TRIOBP: variants seen among roughly 807,000 people sequenced by gnomAD.
The protein encoded by TRIOBP is TRIO and F-actin-binding protein.
A neutral mutation model predicts 238.8 loss-of-function variants in TRIOBP; 169 were observed. That is an observed-to-expected ratio of 0.71 (90% CI 0.62 to 0.80). The LOEUF is 0.80. TRIOBP is among the 30% of genes least tolerant of loss of function. The pLI is 0.00. For synonymous variants in TRIOBP, 1,150 were observed against 1,274.4 expected (o/e 0.90, Z 2.08); for missense variants, 2,838 against 3,122.6 (o/e 0.91, Z 2.17).
At chr22:37,732,289 C>T (rs1318076989) in intron 7 of TRIOBP, among the ~76,000 whole-genome samples, 1 of 152,090 alleles carries the variant, frequency 6.6e-6, no homozygotes, top group Non-Finnish European at 1.5e-5. Context: ...ACTTTTTACA[C>T]AAGTTAGAGA....
chr22:37,716,089 A>G (rs984659233), intron 6 of TRIOBP, among the ~76,000 whole-genome samples, 155 bp downstream of exon 6: 2 of 152,186 alleles, frequency 1.3e-5, no homozygotes, highest in African/African-American at 2.4e-5. Context: ...AGCAGCCACA[A>G]TGAGTTATGC....
chr22:37,769,427 CTA>C, intron 21 of TRIOBP, 52 bp downstream of exon 21: 1 of 1,490,570 alleles, frequency 6.7e-7, no homozygotes, highest in East Asian at 2.5e-5. Context: ...GGGCCCGGGG[CTA>C]TGGGGCACCC....
Position 37,726,181 on chromosome 22 carries a change from T to C in TRIOBP, c.3625T>C (p.Ser1209Pro). 6.4e-7 allele frequency: 1 copy of C among 1,563,708 alleles called. No individual in the cohort carries two copies. Among genetic ancestry groups the C allele is most frequent in the East Asian group, 2.5e-5 (1 of 40,446 alleles). The part of the protein sequence containing the change: ...LAPSTDSLHG[S>P]PVLIPQVCIG... ...CCCCTCCACTGACTCTCTGCATGGC[T>C]CCCCAGTGCTGATCCCCCAAGTGTG... The change falls in exon 7 of 24, where the codon TCC becomes CCC. Residue 1209 changes from serine to proline, a missense_variant. Coordinates refer to ENST00000644935, the MANE Select transcript of TRIOBP (RefSeq NM_001039141.3).
intron 7 of TRIOBP, among the ~76,000 whole-genome samples, chr22:37,731,976 C>A (rs868745273): frequency 6.6e-6 from 1 of 152,244 alleles, no homozygotes; most frequent in South Asian, 2.1e-4. Flanking sequence ...GAGGCCTGAG[C>A]AGAGTTTCCT....
intron 15 of TRIOBP, among the ~76,000 whole-genome samples, chr22:37,756,066 G>T (rs1053227833): frequency 6.6e-6 from 1 of 152,236 alleles, no homozygotes; most frequent in African/African-American, 2.4e-5. Flanking sequence ...GGGGCAGGAG[G>T]GCTGAGTTAC....
chr22:37,751,553 C>T (rs1175448065), intron 11 of TRIOBP: 2 of 594,254 alleles, frequency 3.4e-6, no homozygotes, highest in Non-Finnish European at 6.1e-6. Flanking sequence ...CTTCTTGGCT[C>T]TCTGAGTGCC....
In TRIOBP at chr22:37,710,572, TAG is replaced by T; in HGVS notation, c.254+9_254+10del. On this transcript the variant is annotated splice_region_variant and intron_variant, in intron 4 of 23. Transcript: ENST00000644935. ...CTCAGGCCAGGGCCCAAGAGGTGGGTAGAGTCCCAGGGCCCAGGAAGGGCTTC... is the reference window on the plus strand; with the variant it reads ...CTCAGGCCAGGGCCCAAGAGGTGGGTAGTCCCAGGGCCCAGGAAGGGCTTC... 6.2e-7 allele frequency: 1 copy of T among 1,608,672 alleles called. No individual in the cohort carries two copies. Among genetic ancestry groups the T allele is most frequent in the Non-Finnish European group, 8.5e-7 (1 of 1,179,310 alleles).
chr22:37,703,276 G>C (rs1329515656), intron 3 of TRIOBP, among the ~76,000 whole-genome samples: 1 of 152,014 alleles, frequency 6.6e-6, no homozygotes, highest in Non-Finnish European at 1.5e-5. Context: ...TTACAGGTGT[G>C]AGCCACCGCG....
In TRIOBP at chr22:37,715,091, T is replaced by A. The variant is rs563568882; in HGVS notation, c.457-672T>A. 9.8e-5 allele frequency among the ~76,000 whole-genome samples: 15 copies of A among 152,350 alleles called. No individual in the cohort carries two copies. The South Asian group carries it at 3.1e-3, about 32-fold the overall frequency. ...GTGCAGTGCCACAATCTCAGCTCACTGCAACCTCTGTCTCCCAGGTTCAAG... is the reference window on the plus strand; with the variant it reads ...GTGCAGTGCCACAATCTCAGCTCACAGCAACCTCTGTCTCCCAGGTTCAAG... On this transcript the variant is annotated intron_variant, in intron 5 of 23. Transcript: ENST00000644935.
At chr22:37,699,001 C>A (rs1922502610) in intron 2 of TRIOBP, among the ~76,000 whole-genome samples, 1 of 152,086 alleles carries the variant, frequency 6.6e-6, no homozygotes, top group South Asian at 2.1e-4. Flanking sequence ...ATTAGCCAGG[C>A]ATGACGGTGC....
In TRIOBP at chr22:37,750,024, A is replaced by G. The variant is rs547370456; in HGVS notation, c.5323-1748A>G. Among the ~76,000 whole-genome samples, 14 of 152,262 alleles carry G rather than the reference A, an allele frequency of 9.2e-5. No individual in the cohort carries two copies. The South Asian group carries it at 2.1e-3, about 23-fold the overall frequency. ...TGTGTCATGGCGTGCCTGACATGGT[A>G]TGTGATGTGTCTGTACTGGGCTCTG... is the stretch of plus-strand genomic sequence containing the variant. On this transcript the variant is annotated intron_variant, in intron 11 of 23. Coordinates refer to ENST00000644935, the MANE Select transcript of TRIOBP (RefSeq NM_001039141.3).
intron 12 of TRIOBP, among the ~76,000 whole-genome samples, chr22:37,752,473 C>A (rs1211603960): frequency 6.6e-6 from 1 of 152,232 alleles, no homozygotes; most frequent in South Asian, 2.1e-4. Flanking sequence ...GTTCTTTCGG[C>A]TGCCAGGCTG....
chr22:37,750,918 G>GGT (rs1925556160), intron 11 of TRIOBP: 2 of 375,758 alleles, frequency 5.3e-6, no homozygotes, highest in Non-Finnish European at 1.1e-5. Flanking sequence ...GGGGCTGATA[G>GGT]GTAGGCTCAG....
chr22:37,735,314 A>G lies in TRIOBP; in HGVS notation c.4978A>G (p.Thr1660Ala). The part of the protein sequence containing the change: ...SPVQLPSPAC[T>A]STQWPKIKVT... ...GGTCCAGCTGCCCAGCCCTGCCTGCACCTCCACCCAGTGGCCAAAGATCAA... is the reference window on the plus strand; with the variant it reads ...GGTCCAGCTGCCCAGCCCTGCCTGCGCCTCCACCCAGTGGCCAAAGATCAA... The change falls in exon 9 of 24, where the codon ACC (threonine) becomes GCC (alanine). Residue 1660 changes from threonine (T) to alanine (A), a missense_variant. Thr to Ala is a moderately conservative substitution (Grantham distance 58, BLOSUM62 0). Transcript: ENST00000644935. The G allele has an allele frequency of 1.2e-6, 2 of 1,612,724 alleles. No individual in the cohort carries two copies. The highest frequency in any genetic ancestry group is 1.7e-6 in the Non-Finnish European group (2 of 1,179,352).
At chr22:37,703,741 G>A (rs1164453705) in intron 3 of TRIOBP, among the ~76,000 whole-genome samples, 3 of 151,790 alleles carry the variant, frequency 2.0e-5, no homozygotes, top group African/African-American at 7.3e-5. Flanking sequence ...TCCTGACCTC[G>A]TTATTCGCCC....
At position 37,725,611 on chromosome 22, in the gene TRIOBP, G is replaced by T. The variant is rs549095193; in HGVS notation, c.3055G>T (p.Gly1019Trp). 6.2e-7 allele frequency: 1 copy of T among 1,613,830 alleles called. No homozygotes were observed. The highest frequency in any genetic ancestry group is 2.2e-5 in the East Asian group (1 of 44,870). The change falls in exon 7 of 24, where the codon GGG becomes TGG. Residue 1019 changes from glycine to tryptophan, a missense_variant. Around this residue, in one of 5 missense-constraint regions of TRIOBP, gnomAD observed 2,096 missense variants for 2,137.4 expected, o/e 0.98. Coordinates refer to ENST00000644935, the MANE Select transcript of TRIOBP (RefSeq NM_001039141.3). ...PSQPPCAVCIGHRDAPRASSP... is the reference protein window; with the variant it reads ...PSQPPCAVCIWHRDAPRASSP... ...CCAGCCTCCATGTGCTGTGTGCATTGGGCACCGGGATGCCCCTCGAGCCTC... is the reference window on the plus strand; with the variant it reads ...CCAGCCTCCATGTGCTGTGTGCATTTGGCACCGGGATGCCCCTCGAGCCTC...
chr22:37,713,191 G>C lies in TRIOBP; in HGVS notation c.255-19G>C, dbSNP rs772540420. On this transcript the variant is annotated intron_variant, in intron 4 of 23. Transcript: ENST00000644935. ...GCTCCTAACTCCCCATTACTTTTTG[G>C]GTCTGTCTCCTCTCCCAGGGGCCCA... 6.2e-7 allele frequency: 1 copy of C among 1,606,758 alleles called. No homozygotes were observed.
At position 37,734,385 on chromosome 22, in the gene TRIOBP, C is replaced by T. The variant is rs1924558629; in HGVS notation, c.4063-14C>T. On this transcript the variant is annotated splice_polypyrimidine_tract_variant and intron_variant, in intron 8 of 23. Transcript: ENST00000644935. ...AGAGAGAGAGCCTCACCTACCCCCT[C>T]ACCTCATCCCCAGGTGACCATGCTC... 1 of 1,612,000 alleles carries T rather than the reference C, an allele frequency of 6.2e-7. No homozygotes were observed. The highest frequency in any genetic ancestry group is 1.3e-5 in the African/African-American group (1 of 75,014).
intron 9 of TRIOBP, among the ~76,000 whole-genome samples, chr22:37,737,660 C>CAAAA (rs35569585): frequency 1.1e-5 from 1 of 92,924 alleles, no homozygotes; most frequent in Admixed American, 1.2e-4. Context: ...GACTCCATCT[C>CAAAA]AAAAAAAAAA....
Sources: allele counts gnomAD v4.1 joint callset (sites outside exome capture counted in the v4.1 genomes callset), GRCh38; gene constraint gnomAD v4.1.1; regional missense constraint gnomAD v4.1.1; transcripts MANE v1.5; gene names NCBI Gene and HGNC (gene_info 2026-07-23, HGNC 2026-07-21).